Variants in SDHAF3 observed in about 807,000 individuals in gnomAD.
The protein encoded by SDHAF3 is succinate dehydrogenase complex assembly factor 3, also known as succinate dehydrogenase assembly factor 3, mitochondrial.
In SDHAF3, 18 loss-of-function variants were observed where a neutral mutation model predicts 11.5. The ratio of observed to expected loss-of-function variants is 1.56; its 90% CI spans 1.08 to 2.32. The LOEUF is 2.32. SDHAF3 is among the 30% of genes most tolerant of loss of function. SDHAF3 has a pLI of 0.00. For synonymous variants in SDHAF3, 72 were observed against 59.3 expected, an observed-to-expected ratio of 1.21 and a Z score of -0.99; for missense variants, 200 against 154.4, an observed-to-expected ratio of 1.30 and a Z score of -1.57.
intron 1 of SDHAF3, among the ~76,000 whole-genome samples, chr7:97,132,635 T>C (rs553442222): frequency 6.6e-6 from 1 of 152,352 alleles, no homozygotes; most frequent in African/African-American, 2.4e-5. Flanking sequence ...TTTAATTTTT[T>C]ACCTTTTTCC....
chr7:97,126,213 T>C (rs1791575360), intron 1 of SDHAF3, among the ~76,000 whole-genome samples: 1 of 152,150 alleles, frequency 6.6e-6, no homozygotes, highest in South Asian at 2.1e-4. Flanking sequence ...CAGCCAGAGC[T>C]CTCCTGTATG....
Position 97,146,404 on chromosome 7 carries a change from T to G in SDHAF3, c.174+28507T>G, listed in dbSNP as rs769915270. ...GAACTATGAAACAGTTCTTTATAAC[T>G]TCTCAAAAATTTTCCAAAATATAAA... On this transcript the variant is annotated intron_variant, in intron 1 of 1. Transcript: ENST00000432641. 4.3e-4 allele frequency among the ~76,000 whole-genome samples: 66 copies of G among 152,316 alleles called. 1 individual carries two copies. The highest frequency in any genetic ancestry group is 8.4e-4 in the Non-Finnish European group (57 of 68,012).
chr7:97,122,559 A>T (rs556923084), intron 1 of SDHAF3, among the ~76,000 whole-genome samples: 20 of 151,686 alleles, frequency 1.3e-4, no homozygotes, highest in African/African-American at 4.4e-4. Context: ...TGACTAATAC[A>T]GTATTAGTGA....
At chr7:97,152,657 T>G (rs1789243388) in intron 1 of SDHAF3, among the ~76,000 whole-genome samples, 1 of 152,056 alleles carries the variant, frequency 6.6e-6, no homozygotes, top group African/African-American at 2.4e-5. Context: ...ATTTATTTAT[T>G]TATTTATTTT....
At chr7:97,154,862 A>T (rs1332313328) in intron 1 of SDHAF3, among the ~76,000 whole-genome samples, 1 of 152,178 alleles carries the variant, frequency 6.6e-6, no homozygotes, top group Admixed American at 6.5e-5. Flanking sequence ...GCTTAGGGAT[A>T]TCCAGTTGCT....
chr7:97,135,668 G>GTGTGTATATATATATATATA (rs1491487810), intron 1 of SDHAF3: 1 of 63,934 alleles, frequency 1.6e-5, no homozygotes, highest in African/African-American at 7.1e-5. Flanking sequence ...GTGTGTGTGT[G>GTGTGTATATATATATATATA]TATATATATA....
At chr7:97,179,178 A>C (rs1326380978) in intron 1 of SDHAF3, among the ~76,000 whole-genome samples, 2 of 152,176 alleles carry the variant, frequency 1.3e-5, no homozygotes, top group African/African-American at 4.8e-5. Flanking sequence ...TGGACTCCTC[A>C]TTCTATTGGT....
intron 1 of SDHAF3, among the ~76,000 whole-genome samples, chr7:97,137,514 G>A (rs1247833737): frequency 1.3e-5 from 2 of 152,170 alleles, no homozygotes; most frequent in African/African-American, 4.8e-5. Flanking sequence ...CTATGTGAGG[G>A]TGTTCACACT....
At position 97,181,101 on chromosome 7, in the gene SDHAF3, A is replaced by T; in HGVS notation, c.264A>T (p.Glu88Asp). ...KACFGTFLPE[E>D]KLNDFRDEQI... is the part of the protein sequence containing the mutation. ...GTTTTGGCACCTTCCTCCCAGAAGA[A>T]AAACTTAATGACTTTCGTGATGAAC... Residue 88 changes from glutamate (E) to aspartate (D), a missense_variant, in exon 2 of 2, where the codon GAA (glutamate) becomes GAT (aspartate). Physicochemically the swap from Glu to Asp is conservative, Grantham distance 45. Coordinates refer to ENST00000432641, the MANE Select transcript of SDHAF3 (RefSeq NM_020186.3). The T allele has an allele frequency of 5.6e-6, 9 of 1,614,084 alleles. No individual in the cohort carries two copies. The highest frequency in any genetic ancestry group is 7.6e-6 in the Non-Finnish European group (9 of 1,179,952).
intron 1 of SDHAF3, among the ~76,000 whole-genome samples, chr7:97,157,583 G>C (rs1789323773): frequency 6.6e-6 from 1 of 152,168 alleles, no homozygotes; most frequent in Non-Finnish European, 1.5e-5. Flanking sequence ...TCTAGAACTA[G>C]AAATACCATT....
chr7:97,146,851 A>G (rs1789143468), intron 1 of SDHAF3, among the ~76,000 whole-genome samples: 1 of 151,324 alleles, frequency 6.6e-6, no homozygotes, highest in African/African-American at 2.4e-5. Context: ...CAGTGGCGCA[A>G]TCTGGGCTCA....
chr7:97,176,645 G>A (rs1277715445), intron 1 of SDHAF3, among the ~76,000 whole-genome samples: 3 of 152,058 alleles, frequency 2.0e-5, no homozygotes, highest in Admixed American at 6.6e-5. Flanking sequence ...GGTGGTGTAC[G>A]GGCGAAAGGT....
intron 1 of SDHAF3, among the ~76,000 whole-genome samples, chr7:97,127,320 G>A (rs752841302): frequency 1.3e-5 from 2 of 152,116 alleles, no homozygotes; most frequent in Non-Finnish European, 1.5e-5. Context: ...CCGGTATCAC[G>A]GACTGACTGT....
At chr7:97,119,042 T>C (rs535678171) in intron 1 of SDHAF3, among the ~76,000 whole-genome samples, 1 of 152,238 alleles carries the variant, frequency 6.6e-6, no homozygotes, top group South Asian at 2.1e-4. Context: ...TCAGATTCAG[T>C]CTCTGACATT....
intron 1 of SDHAF3, among the ~76,000 whole-genome samples, chr7:97,144,145 T>C (rs1457559600): frequency 6.6e-6 from 1 of 152,194 alleles, no homozygotes; most frequent in African/African-American, 2.4e-5. Flanking sequence ...CTTTTGAGAA[T>C]TGTCTACTTA....
intron 1 of SDHAF3, among the ~76,000 whole-genome samples, chr7:97,153,294 T>C (rs1281692041): frequency 1.3e-5 from 2 of 152,240 alleles, no homozygotes; most frequent in Non-Finnish European, 2.9e-5. Flanking sequence ...GTTGGAATCA[T>C]ACAGAATGTA....
rs58956333 is a variant in SDHAF3, at chr7:97,163,168, C to CTTTTTTTTTTTTTTTTT, written c.175-17841_175-17825dup. Reference sequence around the variant, plus strand: ...TTTTGACCTTTGTTGGTTTAAAGTCCTTTTTTTTTTTTTTTTTTTAATTTT... The same window carrying CTTTTTTTTTTTTTTTTT: ...TTTTGACCTTTGTTGGTTTAAAGTCCTTTTTTTTTTTTTTTTTTTTTTTTTTTTTTTTTTTTAATTTT... On this transcript the variant is annotated intron_variant, in intron 1 of 1. Coordinates refer to ENST00000432641, the MANE Select transcript of SDHAF3 (RefSeq NM_020186.3). Among the ~76,000 whole-genome samples, 4 of 125,030 alleles carry CTTTTTTTTTTTTTTTTT rather than the reference C, an allele frequency of 3.2e-5. 1 individual carries two copies. Among genetic ancestry groups the CTTTTTTTTTTTTTTTTT allele is most frequent in the Non-Finnish European group, 4.8e-5 (3 of 62,010 alleles). The allele number at this position is 125,030 out of a possible 152,430, so 82.0% of individuals were successfully genotyped here.
chr7:97,175,888 G>A (rs1350252480), intron 1 of SDHAF3, among the ~76,000 whole-genome samples: 2 of 152,186 alleles, frequency 1.3e-5, no homozygotes, highest in African/African-American at 4.8e-5. Flanking sequence ...TAAAACAATG[G>A]TAGTGTATTC....
At chr7:97,146,788 CTTTT>C (rs752676493) in intron 1 of SDHAF3, among the ~76,000 whole-genome samples, 1 of 139,492 alleles carries the variant, frequency 7.2e-6, no homozygotes, top group Admixed American at 7.2e-5. Context: ...TAATAGGTAC[CTTTT>C]TTTTTTTTTT....
Sources: allele counts gnomAD v4.1 joint callset (sites outside exome capture counted in the v4.1 genomes callset), GRCh38; gene constraint gnomAD v4.1.1; transcripts MANE v1.5; gene names NCBI Gene and HGNC (gene_info 2026-07-23, HGNC 2026-07-21).